The following SLC24A2 variants were observed in gnomAD, a reference collection of about 807,000 sequenced individuals.
SLC24A2 encodes solute carrier family 24 member 2, also known as sodium/potassium/calcium exchanger 2.
In SLC24A2, 36 loss-of-function variants were observed where a neutral mutation model predicts 62.0. The observed-to-expected ratio is 0.58, with a 90% CI of 0.44 to 0.77. SLC24A2 has a LOEUF of 0.77. Among genes scored for constraint, SLC24A2 ranks in the 30% least tolerant of loss-of-function variants. The pLI, the probability that SLC24A2 is intolerant of heterozygous loss-of-function variation, is 0.00. For missense variants in SLC24A2, 846 were observed against 817.9 expected, an observed-to-expected ratio of 1.03 and a Z score of -0.42; for synonymous variants, 358 against 294.0, an observed-to-expected ratio of 1.22 and a Z score of -2.23.
the SLC24A2 span, among the ~76,000 whole-genome samples, chr9:19,803,532 A>C: frequency 7.6e-4 from 115 of 152,060 alleles, 1 homozygote; most frequent in Non-Finnish European, 1.4e-3. Context: ...TATAATTTTT[A>C]AAAAATCTGG....
At chr9:19,619,474 A>G in intron 4 of SLC24A2, 110 bp downstream of exon 4, 1 of 863,924 alleles carries the variant, frequency 1.2e-6, no homozygotes, top group Admixed American at 1.7e-5. Flanking sequence ...GCTAAACAAG[A>G]GGAGGCTGGC....
chr9:19,541,489 C>T (rs1041155684), intron 8 of SLC24A2, among the ~76,000 whole-genome samples: 1 of 150,038 alleles, frequency 6.7e-6, no homozygotes, highest in African/African-American at 2.5e-5. Flanking sequence ...TGTGCCCCTG[C>T]TGGGGGGTGC....
the SLC24A2 span, among the ~76,000 whole-genome samples, chr9:20,087,362 T>C: frequency 6.6e-6 from 1 of 152,192 alleles, no homozygotes; most frequent in Non-Finnish European, 1.5e-5. Flanking sequence ...AATAGGAACG[T>C]AAACAGAAGC....
At chr9:19,813,471 C>T in the SLC24A2 span, among the ~76,000 whole-genome samples, 1 of 151,814 alleles carries the variant, frequency 6.6e-6, no homozygotes, top group Admixed American at 6.6e-5. Context: ...GCGCACACCA[C>T]CATGTCTGGC....
At chr9:20,159,190 G>A in the SLC24A2 span, among the ~76,000 whole-genome samples, 14 of 151,648 alleles carry the variant, frequency 9.2e-5, no homozygotes, top group African/African-American at 3.1e-4. Flanking sequence ...GCAGTAATAT[G>A]TGGAATATCA....
intron 2 of SLC24A2, among the ~76,000 whole-genome samples, chr9:19,687,799 T>G (rs1819927713): frequency 2.6e-5 from 4 of 152,112 alleles, no homozygotes. Context: ...ATTTGAACCC[T>G]ATAATTTGGG....
chr9:19,867,330 A>T, the SLC24A2 span, among the ~76,000 whole-genome samples: 1 of 152,218 alleles, frequency 6.6e-6, no homozygotes, highest in African/African-American at 2.4e-5. Flanking sequence ...TTGTGGGAAC[A>T]TTTCAAAATT....
At chr9:19,744,446 A>T (rs1179680296) in intron 2 of SLC24A2, among the ~76,000 whole-genome samples, 1 of 152,008 alleles carries the variant, frequency 6.6e-6, no homozygotes, top group Non-Finnish European at 1.5e-5. Context: ...ACCTTGTTAG[A>T]TTTTATGGTT....
At chr9:19,551,861 C>G (rs1321393695) in intron 7 of SLC24A2, among the ~76,000 whole-genome samples, 1 of 152,148 alleles carries the variant, frequency 6.6e-6, no homozygotes, top group African/African-American at 2.4e-5. Flanking sequence ...ATCTCTTCAA[C>G]TCTCCCTAGG....
At chr9:19,773,053 G>A (rs1315956238) in intron 2 of SLC24A2, among the ~76,000 whole-genome samples, 1 of 152,122 alleles carries the variant, frequency 6.6e-6, no homozygotes, top group African/African-American at 2.4e-5. Flanking sequence ...AATGAAAGCA[G>A]CCAGTGCAAA....
the SLC24A2 span, among the ~76,000 whole-genome samples, chr9:20,128,109 C>A: frequency 6.6e-6 from 1 of 151,988 alleles, no homozygotes; most frequent in African/African-American, 2.4e-5. Flanking sequence ...TCAGGGGGAC[C>A]CACATCCCCA....
the SLC24A2 span, among the ~76,000 whole-genome samples, chr9:20,055,148 C>T: frequency 6.6e-6 from 1 of 152,120 alleles, no homozygotes; most frequent in East Asian, 1.9e-4. Context: ...TTCCATCCAC[C>T]TACACATCCC....
chr9:19,525,417 TTTA>T lies in SLC24A2; in HGVS notation c.1569+2629_1569+2631del, dbSNP rs534092305. Among the ~76,000 whole-genome samples, 820 of 108,462 alleles carry T rather than the reference TTTA, an allele frequency of 7.6e-3. 4 individuals carry two copies. Among genetic ancestry groups the T allele is most frequent in the African/African-American group, 0.027 (727 of 26,598 alleles). 71.2% of individuals were successfully genotyped at this position (108,462 alleles called of 152,430 possible). A position where few individuals can be genotyped will look rare whatever the true frequency, so the allele number is the denominator to read the frequency against. On this transcript the variant is annotated intron_variant, in intron 9 of 10. Transcript: ENST00000341998. The stretch of plus-strand genomic sequence containing the variant: ...TTTTTTTTTTTTTTTTTTTTTTTTT[TTTA>T]AAAGACAGGGTCTTACTCTGCCACC...
In SLC24A2 at chr9:19,520,489, T is replaced by G. The variant is rs1323723389; in HGVS notation, c.1736+405A>C. 3.3e-5 allele frequency among the ~76,000 whole-genome samples: 5 copies of G among 152,214 alleles called. No homozygotes were observed. The South Asian group carries it at 8.3e-4, about 25-fold the overall frequency. ...GGAAACAGGATATGTATGGTAGGCC[T>G]ATGTTTTCCCCAATCTGCCTTAAAA... On this transcript the variant is annotated intron_variant, in intron 10 of 10. Transcript: ENST00000341998.
At chr9:19,861,483 A>T in the SLC24A2 span, among the ~76,000 whole-genome samples, 1 of 152,158 alleles carries the variant, frequency 6.6e-6, no homozygotes, top group African/African-American at 2.4e-5. Context: ...CAAAAAACCT[A>T]GACTGTAAAG....
chr9:20,203,914 C>T, the SLC24A2 span, among the ~76,000 whole-genome samples: 24 of 152,218 alleles, frequency 1.6e-4, no homozygotes, highest in Non-Finnish European at 2.5e-4. Context: ...TTATTCAACA[C>T]GTATTTAGTG....
In SLC24A2 at chr9:19,709,663, C is replaced by A. The variant is rs1217870623; in HGVS notation, c.930+76274G>T. Among the ~76,000 whole-genome samples the A allele has an allele frequency of 3.3e-5, 5 of 149,730 alleles. No individual in the cohort carries two copies. In the East Asian group the frequency reaches 1.0e-3, roughly 30 times the overall value. On this transcript the variant is annotated intron_variant, in intron 2 of 10. Transcript: ENST00000341998. ...AGCAAACTATCGCAAGGACAAAAAA[C>A]CAAACACCGCATGTTCTCACTCATA...
the SLC24A2 span, among the ~76,000 whole-genome samples, chr9:19,805,022 A>G: frequency 6.6e-6 from 1 of 152,168 alleles, no homozygotes; most frequent in Non-Finnish European, 1.5e-5. Context: ...CAAGAAAGAA[A>G]TGTTTTAATT....
chr9:20,103,855 C>T, the SLC24A2 span, among the ~76,000 whole-genome samples: 16,265 of 151,224 alleles, frequency 0.11, 928 homozygotes, highest in Middle Eastern at 0.17. Flanking sequence ...TGGAGAATGA[C>T]TTTGACGAGT....
Sources: allele counts gnomAD v4.1 joint callset (sites outside exome capture counted in the v4.1 genomes callset), GRCh38; gene constraint gnomAD v4.1.1; transcripts MANE v1.5; gene names NCBI Gene and HGNC (gene_info 2026-07-23, HGNC 2026-07-21).